CNTN5: variants seen among roughly 807,000 people sequenced by gnomAD.
CNTN5 encodes the protein contactin-5.
A neutral mutation model predicts 129.1 loss-of-function variants in CNTN5; 77 were observed. That is an observed-to-expected ratio of 0.60 (90% CI 0.50 to 0.72). The LOEUF is 0.72. Ranked by LOEUF, CNTN5 falls within the 30% of genes least tolerant of loss-of-function variation. The pLI is 0.00. For missense variants in CNTN5, 1,478 were observed against 1,328.8 expected (o/e 1.11, Z -1.75); for synonymous variants, 509 against 465.6 (o/e 1.09, Z -1.20).
intron 3 of CNTN5, among the ~76,000 whole-genome samples, chr11:99,699,497 G>A (rs553627848): frequency 3.3e-5 from 5 of 151,510 alleles, no homozygotes; most frequent in East Asian, 1.9e-4. Context: ...GGATGAAAAT[G>A]GGATCTACTT....
At chr11:99,209,113 G>A (rs1859634231) in intron 1 of CNTN5, among the ~76,000 whole-genome samples, 1 of 152,014 alleles carries the variant, frequency 6.6e-6, no homozygotes, top group African/African-American at 2.4e-5. Context: ...ACGCTACAGT[G>A]TACATTCAGT....
At chr11:99,185,221 T>C (rs531211467) in intron 1 of CNTN5, among the ~76,000 whole-genome samples, 2 of 151,720 alleles carry the variant, frequency 1.3e-5, no homozygotes, top group Middle Eastern at 3.4e-3. Context: ...AGGGTGAGCA[T>C]AGGAAGAGAT....
At chr11:99,315,244 G>A (rs56316662) in intron 1 of CNTN5, among the ~76,000 whole-genome samples, 23,719 of 148,854 alleles carry the variant, frequency 0.16, 3,533 homozygotes, top group South Asian at 0.26. Flanking sequence ...GAAAAAAAAA[G>A]TATTACAAAT....
chr11:99,981,971 G>T (rs1274108097), intron 8 of CNTN5, among the ~76,000 whole-genome samples: 1 of 152,290 alleles, frequency 6.6e-6, no homozygotes, highest in Admixed American at 6.5e-5. Context: ...GATAGGAAAA[G>T]TGTAAATAGT....
chr11:99,871,556 A>G (rs752350538), intron 6 of CNTN5, among the ~76,000 whole-genome samples: 19 of 152,064 alleles, frequency 1.2e-4, no homozygotes, highest in Non-Finnish European at 2.6e-4. Context: ...ACTATCCAGC[A>G]TGTGTTTAAT....
At chr11:100,124,894 T>A (rs896301750) in intron 13 of CNTN5, among the ~76,000 whole-genome samples, 1 of 152,130 alleles carries the variant, frequency 6.6e-6, no homozygotes, top group African/African-American at 2.4e-5. Context: ...TCTTATGCTT[T>A]AAGCCAATGG....
intron 2 of CNTN5, among the ~76,000 whole-genome samples, chr11:99,496,752 T>A (rs2135369159): frequency 6.6e-6 from 1 of 152,330 alleles, no homozygotes; most frequent in South Asian, 2.1e-4. Flanking sequence ...TTAGGATGCC[T>A]TCTCAAGAGG....
Position 99,865,705 on chromosome 11 carries a change from A to G in CNTN5, c.577+20443A>G, listed in dbSNP as rs183681797. ...ACTGAAAATGTTTCTTCTAAAGTAT[A>G]AACTAAAAAGTGTTATTGCCTAAGC... On this transcript the variant is annotated intron_variant, in intron 6 of 24. Transcript: ENST00000524871. 7.9e-3 allele frequency among the ~76,000 whole-genome samples: 1,205 copies of G among 152,184 alleles called. 21 individuals are homozygous for G. The highest frequency in any genetic ancestry group is 0.028 in the African/African-American group (1,154 of 41,558).
intron 16 of CNTN5, among the ~76,000 whole-genome samples, chr11:100,255,459 G>A (rs2138725230): frequency 6.6e-6 from 1 of 152,038 alleles, no homozygotes; most frequent in East Asian, 1.9e-4. Flanking sequence ...ATTTGATACT[G>A]GCATTCACAT....
At chr11:100,313,340 T>C (rs919266620) in intron 21 of CNTN5, among the ~76,000 whole-genome samples, 40 of 151,860 alleles carry the variant, frequency 2.6e-4, no homozygotes, top group African/African-American at 9.4e-4. Flanking sequence ...AGCAGATGTA[T>C]TTTAGAGGCA....
intron 3 of CNTN5, among the ~76,000 whole-genome samples, chr11:99,801,209 T>A (rs560895123): frequency 2.6e-5 from 4 of 152,336 alleles, no homozygotes; most frequent in African/African-American, 9.6e-5. Context: ...TGGTGAGATA[T>A]GAAATTCTTA....
intron 1 of CNTN5, among the ~76,000 whole-genome samples, chr11:99,048,578 A>T (rs934476835): frequency 2.6e-4 from 39 of 152,182 alleles, no homozygotes; most frequent in Non-Finnish European, 3.2e-4. Flanking sequence ...GATTATTCAT[A>T]CTTTTCACCT....
chr11:99,485,308 A>G (rs1489725550), intron 2 of CNTN5, among the ~76,000 whole-genome samples: 3 of 152,026 alleles, frequency 2.0e-5, no homozygotes, highest in African/African-American at 2.4e-5. Flanking sequence ...GCAGAGCACA[A>G]AGGATTTTAG....
intron 3 of CNTN5, among the ~76,000 whole-genome samples, chr11:99,733,259 T>C (rs1191695007): frequency 6.7e-6 from 1 of 150,082 alleles, no homozygotes; most frequent in Non-Finnish European, 1.5e-5. Context: ...GAGGCGGAGG[T>C]TGCAGTGAGC....
chr11:99,482,245 G>A (rs1309388875), intron 2 of CNTN5, among the ~76,000 whole-genome samples: 3 of 152,104 alleles, frequency 2.0e-5, no homozygotes, highest in Non-Finnish European at 4.4e-5. Flanking sequence ...AACAAGTTAG[G>A]CAAAATGCTA....
intron 9 of CNTN5, among the ~76,000 whole-genome samples, chr11:100,003,626 A>G (rs1033090466): frequency 2.6e-5 from 4 of 152,342 alleles, no homozygotes; most frequent in African/African-American, 7.2e-5. Context: ...AGCTTATTTA[A>G]TAAGTTAGAT....
At chr11:99,834,815 A>G (rs985069431) in intron 4 of CNTN5, among the ~76,000 whole-genome samples, 4 of 152,184 alleles carry the variant, frequency 2.6e-5, no homozygotes, top group Admixed American at 1.3e-4. Context: ...ACAGGAATAC[A>G]TATATATGAT....
intron 9 of CNTN5, among the ~76,000 whole-genome samples, chr11:100,046,924 C>G (rs1359330237): frequency 1.3e-5 from 2 of 151,886 alleles, no homozygotes; most frequent in Non-Finnish European, 2.9e-5. Context: ...TTATCAGAAA[C>G]TGACCCAGAT....
chr11:100,184,163 A>G (rs2138467042), intron 13 of CNTN5, among the ~76,000 whole-genome samples: 1 of 152,274 alleles, frequency 6.6e-6, no homozygotes, highest in Admixed American at 6.5e-5. Flanking sequence ...AACATTTATC[A>G]CACATTTCAC....
Sources: gnomAD v4.1 joint callset for allele counts (sites outside exome capture counted in the v4.1 genomes callset) on GRCh38, gnomAD v4.1.1 for gene constraint, MANE v1.5 for transcripts, NCBI Gene and HGNC (gene_info 2026-07-23, HGNC 2026-07-21) for gene names.